NOTCH2NLC: variants seen among roughly 807,000 people sequenced by gnomAD.
NOTCH2NLC encodes the protein notch homolog 2 N-terminal-like protein C.
Under a neutral mutation model 17.7 loss-of-function variants are expected in NOTCH2NLC, and 4 were observed. That is an observed-to-expected ratio of 0.23 (90% CI 0.11 to 0.52). The LOEUF (loss-of-function observed/expected upper bound fraction) is 0.52, where lower values mean the gene tolerates loss of function less well. NOTCH2NLC is among the 20% of genes least tolerant of loss of function. The probability of loss-of-function intolerance (pLI) is 0.96; values close to 1 mark genes in which losing one functional copy is unlikely to be tolerated. For synonymous variants in NOTCH2NLC, 18 were observed against 86.0 expected (o/e 0.21, Z 4.38); for missense variants, 57 against 207.2 (o/e 0.28, Z 4.45).
chr1:149,393,069 C>CAA (rs1158506660), intron 1 of NOTCH2NLC, among the ~76,000 whole-genome samples: 1,333 of 42,206 alleles, frequency 0.032, 43 homozygotes, highest in Middle Eastern at 0.075. Context: ...GACTCCGTCT[C>CAA]AAAAAAAAAA....
In NOTCH2NLC at chr1:149,463,569, A is replaced by C; in HGVS notation, c.548A>C (p.Gln183Pro). Reference protein sequence around the residue: ...NGSTCTTVANQFSCKCLTGFT... With the variant: ...NGSTCTTVANPFSCKCLTGFT... Reference sequence around the variant, plus strand: ...AGTACCTGTACCACTGTGGCCAACCAGTTCTCCTGCAAATGCCTCACAGGC... The same window carrying C: ...AGTACCTGTACCACTGTGGCCAACCCGTTCTCCTGCAAATGCCTCACAGGC... Residue 183 changes from glutamine to proline, a missense_variant, in exon 4 of 5, where the codon CAG becomes CCG. By Grantham distance (76) the Gln-to-Pro change is moderately conservative (BLOSUM62 -1). Around this residue, in one of 7 missense-constraint regions of NOTCH2NLC, gnomAD observed 8 missense variants for 49.2 expected, o/e 0.16. Coordinates refer to ENST00000650865, the MANE Select transcript of NOTCH2NLC (RefSeq NM_001364013.2). 2 of 549,168 alleles carry C rather than the reference A, an allele frequency of 3.6e-6. No homozygotes were observed. 34.0% of individuals were successfully genotyped at this position (549,168 alleles called of 1,614,324 possible).
At chr1:149,419,613 G>A (rs2084366937) in intron 1 of NOTCH2NLC, among the ~76,000 whole-genome samples, 1 of 148,684 alleles carries the variant, frequency 6.7e-6, no homozygotes, top group Non-Finnish European at 1.5e-5. Context: ...TTACAATAAA[G>A]AAAGAATATG....
At chr1:149,429,672 A>C (rs1178665366) in intron 1 of NOTCH2NLC, among the ~76,000 whole-genome samples, 1 of 151,386 alleles carries the variant, frequency 6.6e-6, no homozygotes, top group African/African-American at 2.4e-5. Context: ...TACTGGATAC[A>C]ATACTAGGCT....
intron 2 of NOTCH2NLC, among the ~76,000 whole-genome samples, chr1:149,440,145 A>G (rs1373427661): frequency 4.6e-5 from 7 of 150,610 alleles, no homozygotes; most frequent in Non-Finnish European, 7.4e-5. Flanking sequence ...TTAAATCTGT[A>G]TAGATTCAGG....
At chr1:149,425,512 G>A (rs1334333213) in intron 1 of NOTCH2NLC, among the ~76,000 whole-genome samples, 4 of 151,344 alleles carry the variant, frequency 2.6e-5, no homozygotes, top group South Asian at 4.2e-4. Flanking sequence ...CGTAAAGTAA[G>A]CTCTGATCTG....
At position 149,445,901 on chromosome 1, in the gene NOTCH2NLC, T is replaced by TAA. The variant is rs1182076544; in HGVS notation, c.210-9394_210-9393dup. ...TTTTTGAATGGCCAAATCCTCGTTT[T>TAA]AAAAAAAAAAAAAAAAAAAAAAAAG... On this transcript the variant is annotated intron_variant, in intron 2 of 4. Coordinates refer to ENST00000650865, the MANE Select transcript of NOTCH2NLC (RefSeq NM_001364013.2). Among the ~76,000 whole-genome samples, 284 of 72,570 alleles carry TAA rather than the reference T, an allele frequency of 3.9e-3. 4 individuals are homozygous for TAA. The highest frequency in any genetic ancestry group is 8.2e-3 in the African/African-American group (152 of 18,516). 47.6% of individuals were successfully genotyped at this position (72,570 alleles called of 152,430 possible). A position where few individuals can be genotyped will look rare whatever the true frequency, so the allele number is the denominator to read the frequency against.
In NOTCH2NLC at chr1:149,461,181, C is replaced by T. The variant is rs1328646680; in HGVS notation, c.470-2310C>T. Among the ~76,000 whole-genome samples, 11 of 149,918 alleles carry T rather than the reference C, an allele frequency of 7.3e-5. No individual in the cohort carries two copies. The East Asian group carries it at 2.2e-3, about 30-fold the overall frequency. ...AACTCCTAACCACAAGTGATCTGCC[C>T]ACCTCAGCCTCCCAAAGTGCTGGGA... On this transcript the variant is annotated intron_variant, in intron 3 of 4. Coordinates refer to ENST00000650865, the MANE Select transcript of NOTCH2NLC (RefSeq NM_001364013.2).
chr1:149,412,648 G>GA (rs1330578818), intron 1 of NOTCH2NLC, among the ~76,000 whole-genome samples: 2 of 147,130 alleles, frequency 1.4e-5, no homozygotes, highest in South Asian at 2.3e-4. Flanking sequence ...CGTCTCTACT[G>GA]AAAAAAATGC....
intron 2 of NOTCH2NLC, among the ~76,000 whole-genome samples, chr1:149,449,508 C>T (rs1200465725): frequency 2.0e-5 from 3 of 147,754 alleles, no homozygotes; most frequent in African/African-American, 5.0e-5. Context: ...AACAAAAGGC[C>T]CACATAACTA....
chr1:149,462,397 GTCC>G (rs2084655404), intron 3 of NOTCH2NLC, among the ~76,000 whole-genome samples: 3 of 134,794 alleles, frequency 2.2e-5, no homozygotes, highest in Non-Finnish European at 4.8e-5. Context: ...CGAGACCTCT[GTCC>G]TCCTGATGGC....
At chr1:149,420,133 G>C (rs1479674874) in intron 1 of NOTCH2NLC, among the ~76,000 whole-genome samples, 8 of 150,332 alleles carry the variant, frequency 5.3e-5, no homozygotes, top group African/African-American at 2.0e-4. Context: ...GCCTCCCAAA[G>C]TGCTGGGATT....
At chr1:149,446,067 A>G (rs2084550989) in intron 2 of NOTCH2NLC, among the ~76,000 whole-genome samples, 2 of 107,646 alleles carry the variant, frequency 1.9e-5, no homozygotes, top group African/African-American at 3.6e-5. Context: ...GACTTCAGTC[A>G]TCTTGGAGCT....
chr1:149,425,367 T>G (rs1375396174), intron 1 of NOTCH2NLC, among the ~76,000 whole-genome samples: 2 of 150,132 alleles, frequency 1.3e-5, no homozygotes, highest in African/African-American at 2.4e-5. Flanking sequence ...TAGATAGTAA[T>G]GAGGAAGGCA....
chr1:149,461,864 C>T lies in NOTCH2NLC; in HGVS notation c.470-1627C>T, dbSNP rs2084651783. On this transcript the variant is annotated intron_variant, in intron 3 of 4. Coordinates refer to ENST00000650865, the MANE Select transcript of NOTCH2NLC (RefSeq NM_001364013.2). ...GGATGAAGCTGGAAACCATCATTCT[C>T]AGCAAACTATTGCAAGGACAAAAAA... Among the ~76,000 whole-genome samples the T allele has an allele frequency of 2.1e-5, 3 of 146,062 alleles. No individual in the cohort carries two copies. The Admixed American group carries it at 2.1e-4, about 10-fold the overall frequency.
intron 1 of NOTCH2NLC, among the ~76,000 whole-genome samples, chr1:149,413,718 A>G (rs1462789450): frequency 8.6e-5 from 13 of 151,132 alleles, no homozygotes; most frequent in Non-Finnish European, 1.8e-4. Flanking sequence ...GGATGTTCTC[A>G]GCCTCGTTTT....
Position 149,423,448 on chromosome 1 carries a change from A to C in NOTCH2NLC, c.136-7494A>C, listed in dbSNP as rs1480715477. 8.7e-3 allele frequency among the ~76,000 whole-genome samples: 1,305 copies of C among 150,792 alleles called. 36 individuals are homozygous for C. Among genetic ancestry groups the C allele is most frequent in the African/African-American group, 0.03 (1,247 of 41,036 alleles). On this transcript the variant is annotated intron_variant, in intron 1 of 4. Transcript: ENST00000650865. ...GTTTTGTTTGAAATTGCAGGGCGCT[A>C]TGAGAATTATTGCAAATCCCTGATG...
intron 1 of NOTCH2NLC, among the ~76,000 whole-genome samples, chr1:149,399,753 TTAAAG>T (rs1242621458): frequency 7.6e-6 from 1 of 131,916 alleles, no homozygotes; most frequent in Non-Finnish European, 1.6e-5. Context: ...ATGTTACTAT[TTAAAG>T]TAAGTAATAT....
intron 2 of NOTCH2NLC, among the ~76,000 whole-genome samples, chr1:149,435,455 C>T (rs1178090816): frequency 1.3e-5 from 2 of 148,642 alleles, no homozygotes; most frequent in Non-Finnish European, 3.0e-5. Context: ...CTGTTCTGCC[C>T]TTAGTCCGAT....
At chr1:149,417,403 C>T (rs1377060091) in intron 1 of NOTCH2NLC, among the ~76,000 whole-genome samples, 8 of 151,302 alleles carry the variant, frequency 5.3e-5, no homozygotes, top group Middle Eastern at 3.5e-3. Flanking sequence ...CCACCGCGCC[C>T]GGCCGGATAT....
Sources: allele counts gnomAD v4.1 joint callset (sites outside exome capture counted in the v4.1 genomes callset), GRCh38; gene constraint gnomAD v4.1.1; regional missense constraint gnomAD v4.1.1; transcripts MANE v1.5; gene names NCBI Gene and HGNC (gene_info 2026-07-23, HGNC 2026-07-21).